The following PLD1 variants were observed in gnomAD, a reference collection of about 807,000 sequenced individuals.
PLD1 encodes phospholipase D1.
PLD1 carries 112 observed loss-of-function variants against 137.1 expected under a neutral mutation model. The observed-to-expected ratio is 0.82, with a 90% CI of 0.70 to 0.96. The LOEUF (loss-of-function observed/expected upper bound fraction) is 0.96, where lower values mean the gene tolerates loss of function less well. Ranked by LOEUF, PLD1 falls within the 40% of genes least tolerant of loss-of-function variation. The pLI is 0.00. For missense variants in PLD1, 1,321 were observed against 1,342.0 expected (o/e 0.98, Z 0.24); for synonymous variants, 431 against 454.7 (o/e 0.95, Z 0.66).
At chr3:171,745,877 G>A (rs1720118283) in intron 1 of PLD1, among the ~76,000 whole-genome samples, 2 of 152,082 alleles carry the variant, frequency 1.3e-5, no homozygotes, top group African/African-American at 4.8e-5. Flanking sequence ...TCTGCTTGCA[G>A]GGAGGTGTGG....
chr3:171,631,258 G>T (rs1734635897), intron 23 of PLD1, among the ~76,000 whole-genome samples: 1 of 152,074 alleles, frequency 6.6e-6, no homozygotes, highest in Non-Finnish European at 1.5e-5. Flanking sequence ...GGTGGTATGG[G>T]CCAGCAATCC....
chr3:171,726,220 T>TCTTTTAGTGC, intron 6 of PLD1, 144 bp from the exon 7 acceptor site: 1 of 624,104 alleles, frequency 1.6e-6, no homozygotes, highest in Non-Finnish European at 2.9e-6. Context: ...GGCATTGCAC[T>TCTTTTAGTGC]AAAAGAGTGC....
In PLD1 at chr3:171,686,689, A is replaced by G. The variant is rs1430787848; in HGVS notation, c.1863T>C (p.His621=). 6.5e-7 allele frequency: 1 copy of G among 1,527,512 alleles called. No homozygotes were observed. Among genetic ancestry groups the G allele is most frequent in the Admixed American group, 1.8e-5 (1 of 55,598 alleles). The allele number at this position is 1,527,512 out of a possible 1,614,324, so 94.6% of individuals were successfully genotyped here. The change falls in exon 16 of 27, where the codon CAT becomes CAC. Residue 621 remains histidine, a synonymous_variant. Transcript: ENST00000351298. ...SESEQGLTRP[H]ADTGSIRSLQ... ...GCCACTTCACAAATTACTTACCAGC[A>G]TGAGGTCTAGTGAGTCCTTGCTCAG...
rs1479920579 is a variant in PLD1 at position 171,697,393 on chromosome 3, C to T, written c.1227+2352G>A. 7.6e-4 allele frequency among the ~76,000 whole-genome samples: 115 copies of T among 152,002 alleles called. 4 individuals are homozygous for T. The highest frequency in any genetic ancestry group is 2.4e-5 in the African/African-American group (1 of 41,468). ...CCGGGTAGCTGGGACTATAGGCGCCCGCCACCATGCCCGGCTAATTGTTTT... is the reference window on the plus strand; with the variant it reads ...CCGGGTAGCTGGGACTATAGGCGCCTGCCACCATGCCCGGCTAATTGTTTT... On this transcript the variant is annotated intron_variant, in intron 12 of 26. Transcript: ENST00000351298.
At chr3:171,757,440 G>A (rs752909983) in intron 1 of PLD1, among the ~76,000 whole-genome samples, 2 of 152,146 alleles carry the variant, frequency 1.3e-5, no homozygotes, top group Non-Finnish European at 2.9e-5. Flanking sequence ...TGGACACAAA[G>A]CAGGAATACC....
chr3:171,808,014 G>A (rs1188118141), intron 1 of PLD1, among the ~76,000 whole-genome samples: 1 of 152,182 alleles, frequency 6.6e-6, no homozygotes, highest in African/African-American at 2.4e-5. Context: ...ATAAGTGGAA[G>A]GTAAACATTG....
chr3:171,750,695 A>T (rs1479066443), intron 1 of PLD1, among the ~76,000 whole-genome samples: 5 of 152,204 alleles, frequency 3.3e-5, no homozygotes, highest in African/African-American at 1.2e-4. Context: ...AATGACGATA[A>T]ACTTCTCATT....
At chr3:171,625,969 C>T (rs905450415) in intron 23 of PLD1, among the ~76,000 whole-genome samples, 1 of 152,192 alleles carries the variant, frequency 6.6e-6, no homozygotes. Flanking sequence ...AGGAATGCAG[C>T]TCCTCACCAG....
chr3:171,765,167 A>G (rs751287074), intron 1 of PLD1: 1 of 152,202 alleles, frequency 6.6e-6, no homozygotes, highest in Non-Finnish European at 1.5e-5. Context: ...CAAAAAACCA[A>G]TGAATTGTAT....
intron 16 of PLD1, among the ~76,000 whole-genome samples, chr3:171,682,500 G>C (rs1714117264): frequency 6.6e-6 from 1 of 152,146 alleles, no homozygotes; most frequent in African/African-American, 2.4e-5. Flanking sequence ...CTCAGGAAAA[G>C]GAAGTCATTA....
chr3:171,767,949 A>C (rs896879715), intron 1 of PLD1, among the ~76,000 whole-genome samples: 2 of 130,396 alleles, frequency 1.5e-5, no homozygotes, highest in African/African-American at 5.0e-5. Flanking sequence ...CCTCAAAAAA[A>C]AAGAGAGGGG....
intron 21 of PLD1, among the ~76,000 whole-genome samples, chr3:171,650,541 G>T (rs538337597): frequency 6.6e-6 from 1 of 152,246 alleles, no homozygotes; most frequent in Non-Finnish European, 1.5e-5. Flanking sequence ...GGATGTGGAG[G>T]GAGAGGAGGC....
chr3:171,655,256 TG>T (rs1737091728), intron 21 of PLD1, among the ~76,000 whole-genome samples: 4 of 152,208 alleles, frequency 2.6e-5, no homozygotes, highest in Admixed American at 6.5e-5. Context: ...GAGAAGTCTA[TG>T]GAGAGAGAGG....
intron 9 of PLD1, among the ~76,000 whole-genome samples, chr3:171,710,610 G>C (rs1380733944): frequency 6.6e-6 from 1 of 152,168 alleles, no homozygotes; most frequent in Non-Finnish European, 1.5e-5. Context: ...CTCCTGCTGT[G>C]CGGCCCAGTT....
At chr3:171,770,888 C>CAAAAAAAA (rs34683994) in intron 1 of PLD1, among the ~76,000 whole-genome samples, 2 of 40,870 alleles carry the variant, frequency 4.9e-5, no homozygotes, top group African/African-American at 1.6e-4. Context: ...AACCCTATCT[C>CAAAAAAAA]AAAAAAAAAA....
At chr3:171,642,249 G>C in intron 23 of PLD1, among the ~76,000 whole-genome samples, 1 of 151,964 alleles carries the variant, frequency 6.6e-6, no homozygotes, top group East Asian at 1.9e-4. Context: ...GAGGTCAGGA[G>C]TTCTAGACAG....
In PLD1 at chr3:171,758,136, A is replaced by C. The variant is rs56135153; in HGVS notation, c.-31-20054T>G. Among the ~76,000 whole-genome samples the C allele has an allele frequency of 2.4e-3, 359 of 152,348 alleles. 2 individuals carry two copies. Among genetic ancestry groups the C allele is most frequent in the South Asian group, 0.01 (49 of 4,830 alleles). On this transcript the variant is annotated intron_variant, in intron 1 of 26. Transcript: ENST00000351298. Reference sequence around the variant, plus strand: ...TCCTGGATTATTACTACTAATAGCTAATAGTTAGCAAACCCTTATTAAGTA... The same window carrying C: ...TCCTGGATTATTACTACTAATAGCTCATAGTTAGCAAACCCTTATTAAGTA...
At position 171,726,051 on chromosome 3, in the gene PLD1, A is replaced by T; in HGVS notation, c.632T>A (p.Leu211Gln). Reference sequence around the variant, plus strand: ...TGGTCCCAAATCATGGATGAAAGACAGCTGGCTTATATCAAGAAACTCTGT... The same window carrying T: ...TGGTCCCAAATCATGGATGAAAGACTGCTGGCTTATATCAAGAAACTCTGT... ...ATTEFLDISQ[L>Q]SFIHDLGPKG... The change falls in exon 7 of 27, where the codon CTG becomes CAG. Residue 211 changes from leucine (L) to glutamine (Q), a missense_variant. By Grantham distance (113) the Leu-to-Gln change is moderately radical. Coordinates refer to ENST00000351298, the MANE Select transcript of PLD1 (RefSeq NM_002662.5). The T allele has an allele frequency of 6.2e-7, 1 of 1,612,766 alleles. No individual in the cohort carries two copies. Among genetic ancestry groups the T allele is most frequent in the Non-Finnish European group, 8.5e-7 (1 of 1,178,728 alleles).
chr3:171,780,761 C>T (rs1056792472), intron 1 of PLD1, among the ~76,000 whole-genome samples: 4 of 152,122 alleles, frequency 2.6e-5, no homozygotes, highest in Non-Finnish European at 5.9e-5. Context: ...ATGCAAAAGC[C>T]TAAAAAGTGG....
Sources: gnomAD v4.1 joint callset for allele counts (sites outside exome capture counted in the v4.1 genomes callset) on GRCh38, gnomAD v4.1.1 for gene constraint, MANE v1.5 for transcripts, NCBI Gene and HGNC (gene_info 2026-07-23, HGNC 2026-07-21) for gene names.